Variants in WFS1 observed in about 807,000 individuals in gnomAD.
WFS1 encodes wolframin ER transmembrane glycoprotein, also known as wolframin.
In WFS1, 90 loss-of-function variants were observed where a neutral mutation model predicts 68.5. The observed-to-expected ratio is 1.31, with a 90% CI of 1.11 to 1.56. WFS1 has a LOEUF of 1.56. Among genes scored for constraint, WFS1 ranks in the 40% most tolerant of loss-of-function variants. WFS1 has a pLI of 0.00. For synonymous variants in WFS1, 860 were observed against 540.7 expected, an observed-to-expected ratio of 1.59 and a Z score of -8.19; for missense variants, 1,767 against 1,232.6, an observed-to-expected ratio of 1.43 and a Z score of -6.49.
chr4:6,277,499 C>G lies in WFS1; in HGVS notation c.44C>G (p.Pro15Arg). 6.4e-7 allele frequency: 1 copy of G among 1,573,366 alleles called. No individual in the cohort carries two copies. The highest frequency in any genetic ancestry group is 8.6e-7 in the Non-Finnish European group (1 of 1,159,844). ...CCGCTGGGCCCCTCCTGCCCACAGCCCCCGCCAGCACCGCAGCCCCAGGCG... is the reference window on the plus strand; with the variant it reads ...CCGCTGGGCCCCTCCTGCCCACAGCGCCCGCCAGCACCGCAGCCCCAGGCG... ...TAPLGPSCPQ[P>R]PPAPQPQARS... Residue 15 changes from proline (P) to arginine (R), a missense_variant, in exon 2 of 8, where the codon CCC becomes CGC. By Grantham distance (103) the Pro-to-Arg change is moderately radical. Coordinates refer to ENST00000226760, the MANE Select transcript of WFS1 (RefSeq NM_006005.3).
intron 2 of WFS1, among the ~76,000 whole-genome samples, chr4:6,286,071 A>G (rs1359263440): frequency 6.6e-6 from 1 of 152,152 alleles, no homozygotes; most frequent in Non-Finnish European, 1.5e-5. Flanking sequence ...GAAGCAACCT[A>G]CAGACCTGAT....
rs56035336 is a variant in WFS1 at position 6,302,219 on chromosome 4, C to T, written c.2424C>T (p.Ser808=). Residue 808 remains serine (S), a synonymous_variant, in exon 8 of 8, where the codon AGC becomes AGT. Coordinates refer to ENST00000226760, the MANE Select transcript of WFS1 (RefSeq NM_006005.3). The part of the protein sequence containing the change: ...VTKDIVLRAS[S]EFKSVLLSLR... ...AGGACATCGTGCTGCGGGCCAGCAG[C>T]GAGTTCAAGAGCGTGCTGCTCAGCC... 5.8e-4 allele frequency: 930 copies of T among 1,610,184 alleles called. 2 individuals are homozygous for T. Among genetic ancestry groups the T allele is most frequent in the Admixed American group, 1.0e-3 (61 of 59,960 alleles).
chr4:6,292,364 G>A (rs34086217), intron 6 of WFS1, among the ~76,000 whole-genome samples: 11,568 of 152,170 alleles, frequency 0.076, 668 homozygotes, highest in East Asian at 0.27. Context: ...AGGGCATTAG[G>A]GGAAGGGGCT....
intron 2 of WFS1, among the ~76,000 whole-genome samples, chr4:6,280,722 TG>T (rs1353170532): frequency 6.6e-6 from 1 of 152,196 alleles, no homozygotes; most frequent in Non-Finnish European, 1.5e-5. Flanking sequence ...CATGTGGCCC[TG>T]GTGGGCACTC....
At chr4:6,299,906 T>C (rs1285137878) in intron 7 of WFS1, among the ~76,000 whole-genome samples, 1 of 121,486 alleles carries the variant, frequency 8.2e-6, no homozygotes, top group East Asian at 2.7e-4. Flanking sequence ...GTGGGTTGTG[T>C]GTGTGTGTAT....
rs35932623 is a variant in WFS1 at position 6,302,247 on chromosome 4, C to T, written c.2452C>T (p.Arg818Cys). ...GTTCAAGAGCGTGCTGCTCAGCCTG[C>T]GCCAGGGCAGCCTCATCGAGTTCAG... ...SEFKSVLLSL[R>C]QGSLIEFSTI... The change falls in exon 8 of 8, where the codon CGC becomes TGC. Residue 818 changes from arginine to cysteine, a missense_variant. Transcript: ENST00000226760. 5.1e-3 allele frequency: 8,135 copies of T among 1,605,064 alleles called. 35 individuals are homozygous for T. The highest frequency in any genetic ancestry group is 0.011 in the Middle Eastern group (65 of 6,038).
At position 6,302,469 on chromosome 4, in the gene WFS1, G is replaced by C. The variant is rs779376739; in HGVS notation, c.*1G>C. The C allele has an allele frequency of 2.5e-5, 41 of 1,612,502 alleles. No homozygotes were observed. The highest frequency in any genetic ancestry group is 3.3e-5 in the Non-Finnish European group (39 of 1,180,046). On this transcript the variant is annotated 3_prime_UTR_variant, in exon 8 of 8. Coordinates refer to ENST00000226760, the MANE Select transcript of WFS1 (RefSeq NM_006005.3). ...CTTCCCATTCCTGTCGGCGGCCTGAGGATGGTCCGCCACGAGGAGCTTCCA... is the reference window on the plus strand; with the variant it reads ...CTTCCCATTCCTGTCGGCGGCCTGACGATGGTCCGCCACGAGGAGCTTCCA...
At chr4:6,275,070 G>T (rs1050378974) in intron 1 of WFS1, among the ~76,000 whole-genome samples, 17 of 152,156 alleles carry the variant, frequency 1.1e-4, no homozygotes, top group Non-Finnish European at 2.4e-4. Context: ...GTCCATGCGA[G>T]GAACTCACGA....
At chr4:6,288,907 T>C (rs1730385171) in intron 3 of WFS1, 80 bp from the exon 4 acceptor site, 2 of 1,557,380 alleles carry the variant, frequency 1.3e-6, no homozygotes, top group African/African-American at 1.4e-5. Flanking sequence ...GGGAAGTGGG[T>C]GAAAGGAGGT....
chr4:6,272,276 A>T (rs1351727975), intron 1 of WFS1, among the ~76,000 whole-genome samples: 1 of 152,218 alleles, frequency 6.6e-6, no homozygotes, highest in Non-Finnish European at 1.5e-5. Flanking sequence ...CTCAGTCCAC[A>T]CCTGCTGCCC....
At chr4:6,273,625 G>C (rs535495864) in intron 1 of WFS1, among the ~76,000 whole-genome samples, 1 of 152,192 alleles carries the variant, frequency 6.6e-6, no homozygotes, top group Non-Finnish European at 1.5e-5. Context: ...CCGGTCTTCC[G>C]AGTGGATAAG....
chr4:6,299,340 A>AGAGCAGGG (rs1248376842), intron 7 of WFS1, among the ~76,000 whole-genome samples: 3 of 152,182 alleles, frequency 2.0e-5, no homozygotes, highest in African/African-American at 7.2e-5. Flanking sequence ...CGCTGCATGC[A>AGAGCAGGG]GAGCAGGGGA....
At position 6,300,772 on chromosome 4, in the gene WFS1, C is replaced by T. The variant is rs369795224; in HGVS notation, c.977C>T (p.Ala326Val). 129 of 1,613,878 alleles carry T rather than the reference C, an allele frequency of 8.0e-5. No individual in the cohort carries two copies. The highest frequency in any genetic ancestry group is 9.7e-5 in the Non-Finnish European group (115 of 1,179,988). The change falls in exon 8 of 8, where the codon GCG (alanine) becomes GTG (valine). Residue 326 changes from alanine (A) to valine (V), a missense_variant. Transcript: ENST00000226760. ...STIIPTHHIN[A>V]LIFFFIVSNL... ...ATCATCCCCACGCACCACATCAACG[C>T]GCTCATCTTCTTCTTCATCGTCAGC...
At chr4:6,295,878 C>T (rs1390093050) in intron 7 of WFS1, among the ~76,000 whole-genome samples, 1 of 152,224 alleles carries the variant, frequency 6.6e-6, no homozygotes, top group African/African-American at 2.4e-5. Context: ...GTTCAGCTCG[C>T]ATGGTTGAAT....
At chr4:6,299,824 GTGTGAA>G (rs1730798623) in intron 7 of WFS1, among the ~76,000 whole-genome samples, 1 of 140,674 alleles carries the variant, frequency 7.1e-6, no homozygotes, top group African/African-American at 2.7e-5. Flanking sequence ...GGTTGCGTGT[GTGTGAA>G]TGTGTATAGG....
At chr4:6,298,051 C>CTTTGAGTAAGACAGGAT (rs1578603862) in intron 7 of WFS1, among the ~76,000 whole-genome samples, 1 of 152,344 alleles carries the variant, frequency 6.6e-6, no homozygotes, top group East Asian at 1.9e-4. Context: ...ATGTGCATGG[C>CTTTGAGTAAGACAGGAT]TTTGAGTAAG....
chr4:6,286,514 G>A (rs1730311462), intron 2 of WFS1, among the ~76,000 whole-genome samples: 1 of 152,102 alleles, frequency 6.6e-6, no homozygotes, highest in Non-Finnish European at 1.5e-5. Context: ...TTGGTCTATG[G>A]TATTAATATT....
rs925355043 is a variant in WFS1, at chr4:6,283,796, C to T, written c.233-3297C>T. Among the ~76,000 whole-genome samples, 7 of 151,590 alleles carry T rather than the reference C, an allele frequency of 4.6e-5. No homozygotes were observed. Among genetic ancestry groups the T allele is most frequent in the Non-Finnish European group, 7.4e-5 (5 of 67,744 alleles). Reference sequence around the variant, plus strand: ...CCCAGACCATGAGGACTGAGAGTGGCGGGGTTCCCCAAAAGGGACATCAAG... The same window carrying T: ...CCCAGACCATGAGGACTGAGAGTGGTGGGGTTCCCCAAAAGGGACATCAAG... On this transcript the variant is annotated intron_variant, in intron 2 of 7. Transcript: ENST00000226760. The surrounding 1 kb of genome is among the most constrained non-coding windows in gnomAD (Gnocchi z 5.0).
Position 6,300,670 on chromosome 4 carries a change from C to G in WFS1, c.875C>G (p.Pro292Arg). 6.2e-7 allele frequency: 1 copy of G among 1,613,984 alleles called. No homozygotes were observed. Among genetic ancestry groups the G allele is most frequent in the Non-Finnish European group, 8.5e-7 (1 of 1,179,950 alleles). The change falls in exon 8 of 8, where the codon CCC (proline) becomes CGC (arginine). Residue 292 changes from proline (P) to arginine (R), a missense_variant. Transcript: ENST00000226760. The part of the protein sequence containing the change: ...LPLRLKVVKY[P>R]LHAIMEIKEY... ...TCTTTCCCCCAGGTGGTCAAGTACC[C>G]CCTGCACGCCATCATGGAGATCAAG...
Sources: allele counts gnomAD v4.1 joint callset (sites outside exome capture counted in the v4.1 genomes callset), GRCh38; gene constraint gnomAD v4.1.1; non-coding constraint Gnocchi (gnomAD v3.1); transcripts MANE v1.5; gene names NCBI Gene and HGNC (gene_info 2026-07-23, HGNC 2026-07-21).